The following PDE1A variants were observed in gnomAD, a reference collection of about 807,000 sequenced individuals.
The protein encoded by PDE1A is phosphodiesterase 1A.
PDE1A carries 35 observed loss-of-function variants against 61.7 expected under a neutral mutation model. The ratio of observed to expected loss-of-function variants is 0.57; its 90% CI spans 0.43 to 0.75. The LOEUF (loss-of-function observed/expected upper bound fraction) is 0.75. PDE1A is among the 30% of genes least tolerant of loss of function. The pLI, the probability that PDE1A is intolerant of heterozygous loss-of-function variation, is 0.00. For synonymous variants in PDE1A, 232 were observed against 213.2 expected, an observed-to-expected ratio of 1.09 and a Z score of -0.77; for missense variants, 597 against 630.6, an observed-to-expected ratio of 0.95 and a Z score of 0.57.
At chr2:182,492,695 T>C (rs533486696) in intron 2 of PDE1A, among the ~76,000 whole-genome samples, 1 of 152,320 alleles carries the variant, frequency 6.6e-6, no homozygotes, top group Admixed American at 6.5e-5. Context: ...AACTTTTCTG[T>C]CATGAGCTTT....
At chr2:182,163,798 G>A (rs973593036), downstream of PDE1A, among the ~76,000 whole-genome samples, 1 of 152,178 alleles carries the variant, frequency 6.6e-6, no homozygotes, top group Non-Finnish European at 1.5e-5. Context: ...GGAAAAGACT[G>A]CAACAAGTCC....
intron 1 of PDE1A, among the ~76,000 whole-genome samples, chr2:182,331,251 T>G (rs1697388747): frequency 6.6e-6 from 1 of 152,228 alleles, no homozygotes; most frequent in South Asian, 2.1e-4. Context: ...TTAAGTTCAC[T>G]CATCTACAAA....
intron 1 of PDE1A, among the ~76,000 whole-genome samples, chr2:182,365,844 C>T (rs113907107): frequency 0.024 from 3,673 of 152,068 alleles, 130 homozygotes; most frequent in African/African-American, 0.082. Context: ...AATCAAACTA[C>T]AGATGATAAA....
Position 182,340,349 on chromosome 2 carries a change from A to T in PDE1A, c.54-75935T>A, listed in dbSNP as rs833163. Among the ~76,000 whole-genome samples, 528 of 152,284 alleles carry T rather than the reference A, an allele frequency of 3.5e-3. 2 individuals carry two copies. The highest frequency in any genetic ancestry group is 0.012 in the African/African-American group (513 of 41,568). ...CACTGAAGACTAGTTTGCTGTCAAA[A>T]CTTTCAAAGAGCCTCCAAGTGAAAT... On this transcript the variant is annotated intron_variant, in intron 1 of 13. Transcript: ENST00000351439.
upstream of PDE1A, among the ~76,000 whole-genome samples, chr2:182,525,753 A>G (rs570183702): frequency 4.4e-4 from 67 of 152,302 alleles, no homozygotes; most frequent in African/African-American, 1.5e-3. Context: ...TGACTAATAC[A>G]TTGGCACCAT....
downstream of PDE1A, among the ~76,000 whole-genome samples, chr2:182,165,129 A>G (rs116824850): frequency 0.015 from 2,245 of 152,240 alleles, 33 homozygotes; most frequent in South Asian, 0.057. Flanking sequence ...CATCCAATAT[A>G]TGGTACTGTT....
chr2:182,531,378 T>TAAAA, the PDE1A span, among the ~76,000 whole-genome samples: 464 of 145,458 alleles, frequency 3.2e-3, 5 homozygotes, highest in South Asian at 0.015. Context: ...AAAAAGGTAG[T>TAAAA]AAAAAAAAAA....
Position 182,240,093 on chromosome 2 carries a change from C to A in PDE1A, c.350+17G>T. 4 of 1,608,014 alleles carry A rather than the reference C, an allele frequency of 2.5e-6. No homozygotes were observed. Among genetic ancestry groups the A allele is most frequent in the South Asian group, 1.1e-5 (1 of 90,334 alleles). Reference sequence around the variant, plus strand: ...TTTCAAATGTTACTGTCTTGAGATACCAACAATTTCACTTACCTTTCCACA... The same window carrying A: ...TTTCAAATGTTACTGTCTTGAGATAACAACAATTTCACTTACCTTTCCACA... On this transcript the variant is annotated intron_variant, in intron 3 of 13. Coordinates refer to ENST00000351439, the Ensembl canonical transcript of PDE1A.
chr2:182,316,498 T>C (rs1696348921), intron 1 of PDE1A, among the ~76,000 whole-genome samples: 1 of 152,194 alleles, frequency 6.6e-6, no homozygotes, highest in Admixed American at 6.5e-5. Context: ...AATTCTAATC[T>C]AAAGTACTTC....
At chr2:182,579,038 A>G in the PDE1A span, among the ~76,000 whole-genome samples, 1 of 152,338 alleles carries the variant, frequency 6.6e-6, no homozygotes, top group Middle Eastern at 3.4e-3. Flanking sequence ...ATTCACACAA[A>G]AGGGAAAAAC....
intron 1 of PDE1A, among the ~76,000 whole-genome samples, chr2:182,301,264 G>A (rs899095548): frequency 6.6e-6 from 1 of 152,122 alleles, no homozygotes; most frequent in Non-Finnish European, 1.5e-5. Flanking sequence ...TTTCTTAAAG[G>A]CACAAGTAAA....
chr2:182,680,358 G>C, the PDE1A span, among the ~76,000 whole-genome samples: 6 of 151,946 alleles, frequency 3.9e-5, no homozygotes, highest in African/African-American at 1.5e-4. Flanking sequence ...CTACAGGGAT[G>C]CATCACCACG....
At chr2:182,570,251 T>G in the PDE1A span, among the ~76,000 whole-genome samples, 1 of 152,170 alleles carries the variant, frequency 6.6e-6, no homozygotes, top group African/African-American at 2.4e-5. Flanking sequence ...GAGTATAAAA[T>G]AGAAAAATAA....
chr2:182,616,862 T>A, the PDE1A span, among the ~76,000 whole-genome samples: 3 of 152,232 alleles, frequency 2.0e-5, no homozygotes, highest in Admixed American at 2.0e-4. Context: ...GTAAGCCTAA[T>A]GTGCAGCCAG....
At chr2:182,363,029 T>C (rs1372427213) in intron 1 of PDE1A, among the ~76,000 whole-genome samples, 1 of 151,514 alleles carries the variant, frequency 6.6e-6, no homozygotes, top group Admixed American at 6.6e-5. Context: ...CATGGATACA[T>C]AGAGGGAAAT....
the PDE1A span, among the ~76,000 whole-genome samples, chr2:182,593,127 G>A: frequency 6.6e-6 from 1 of 152,190 alleles, no homozygotes; most frequent in Non-Finnish European, 1.5e-5. Context: ...GTCTTCCAGG[G>A]AAAAAGACTG....
At chr2:182,527,317 AAAAAAAAAAAATATATATAT>A (rs1157265988), upstream of PDE1A, among the ~76,000 whole-genome samples, 5 of 52,358 alleles carry the variant, frequency 9.5e-5, no homozygotes, top group Non-Finnish European at 1.3e-4. Flanking sequence ...AAAAAAAAAA[AAAAAAAAAAAATATATATAT>A]ATATATATAT....
In PDE1A at chr2:182,270,011, A is replaced by G. The variant is rs149505402; in HGVS notation, c.54-5597T>C. ...ATTATCAAAGACATGAAAAAAATCT[A>G]AAGCATCATTAATGATCTTTTCCCA... On this transcript the variant is annotated intron_variant, in intron 1 of 13. Coordinates refer to ENST00000351439, the Ensembl canonical transcript of PDE1A. Among the ~76,000 whole-genome samples the G allele has an allele frequency of 8.5e-4, 129 of 152,286 alleles. No homozygotes were observed. In the South Asian group the frequency reaches 0.019, roughly 22 times the overall value.
At chr2:182,407,309 G>A (rs368360670) in intron 1 of PDE1A, among the ~76,000 whole-genome samples, 1 of 138,420 alleles carries the variant, frequency 7.2e-6, no homozygotes, top group Admixed American at 7.6e-5. Flanking sequence ...CATTTCCAAA[G>A]TTTATAATTG....
Sources: allele counts gnomAD v4.1 joint callset (sites outside exome capture counted in the v4.1 genomes callset), GRCh38; gene constraint gnomAD v4.1.1; transcripts MANE v1.5; gene names NCBI Gene and HGNC (gene_info 2026-07-23, HGNC 2026-07-21).